IFT74: variants seen among roughly 807,000 people sequenced by gnomAD.
IFT74 encodes intraflagellar transport 74.
In IFT74, 92 loss-of-function variants were observed where a neutral mutation model predicts 96.7. The ratio of observed to expected loss-of-function variants is 0.95; its 90% CI spans 0.80 to 1.13. The LOEUF is 1.13. IFT74 is among the 50% of genes most tolerant of loss of function. The pLI is 0.00. For missense variants in IFT74, 811 were observed against 698.2 expected (o/e 1.16, Z -1.82); for synonymous variants, 223 against 213.2 (o/e 1.05, Z -0.40).
At chr9:27,034,342 T>G (rs1830257456) in intron 13 of IFT74, among the ~76,000 whole-genome samples, 1 of 152,206 alleles carries the variant, frequency 6.6e-6, no homozygotes, top group African/African-American at 2.4e-5. Context: ...ATTGTAACTT[T>G]CTGCATAATA....
intron 6 of IFT74, 104 bp downstream of exon 6, chr9:26,984,663 C>T: frequency 1.3e-6 from 1 of 791,352 alleles, no homozygotes; most frequent in Admixed American, 2.4e-5. Flanking sequence ...AGATACTTTT[C>T]AAAAGAAGAC....
chr9:26,971,741 A>C (rs1425098525), intron 2 of IFT74, among the ~76,000 whole-genome samples: 2 of 152,136 alleles, frequency 1.3e-5, no homozygotes. Context: ...TGTTTAAGAC[A>C]TGGACAATTA....
At chr9:27,031,359 C>G (rs1830113383) in intron 13 of IFT74, among the ~76,000 whole-genome samples, 1 of 151,794 alleles carries the variant, frequency 6.6e-6, no homozygotes, top group African/African-American at 2.4e-5. Context: ...CCCAGCTACT[C>G]AGGAGGCTGA....
chr9:27,011,082 GTC>G (rs1396109331), intron 9 of IFT74, among the ~76,000 whole-genome samples: 1 of 152,104 alleles, frequency 6.6e-6, no homozygotes, highest in Non-Finnish European at 1.5e-5. Flanking sequence ...GTGAAACCCT[GTC>G]TCTACTAAAA....
upstream of IFT74, among the ~76,000 whole-genome samples, chr9:26,955,386 T>C (rs892043907): frequency 2.0e-5 from 3 of 152,166 alleles, no homozygotes; most frequent in African/African-American, 7.2e-5. Context: ...TGCTTCTGGT[T>C]GTCATTCAAG....
intron 2 of IFT74, among the ~76,000 whole-genome samples, chr9:26,964,695 A>G (rs1826527941): frequency 6.6e-6 from 1 of 152,118 alleles, no homozygotes; most frequent in Non-Finnish European, 1.5e-5. Flanking sequence ...ATTTCATGAC[A>G]TTTCTTTTGA....
rs1820495458 is a variant in IFT74 at position 27,063,053 on chromosome 9, T to G, written c.*317T>G. ...CTATGGCAACAAATGAGATAAGCTTTTCTTGTATCAACTCTAGGACGGATG... is the reference window on the plus strand; with the variant it reads ...CTATGGCAACAAATGAGATAAGCTTGTCTTGTATCAACTCTAGGACGGATG... On this transcript the variant is annotated 3_prime_UTR_variant, in exon 20 of 20. Coordinates refer to ENST00000380062, the MANE Select transcript of IFT74 (RefSeq NM_025103.4). The G allele has an allele frequency of 4.3e-6, 1 of 234,148 alleles. No homozygotes were observed. Among genetic ancestry groups the G allele is most frequent in the Non-Finnish European group, 8.2e-6 (1 of 121,734 alleles). The allele number at this position is 234,148 out of a possible 1,614,324, so 14.5% of individuals were successfully genotyped here.
chr9:26,953,357 A>T (rs1269733051), upstream of IFT74, among the ~76,000 whole-genome samples: 1 of 152,084 alleles, frequency 6.6e-6, no homozygotes, highest in Non-Finnish European at 1.5e-5. Context: ...GTGTTGTTTG[A>T]TTTTTTTCCT....
intron 2 of IFT74, among the ~76,000 whole-genome samples, chr9:26,967,005 A>G (rs988266815): frequency 7.3e-5 from 11 of 150,628 alleles, no homozygotes; most frequent in Non-Finnish European, 1.5e-4. Context: ...TGGGTTCTCT[A>G]TTCTGTTTTT....
chr9:26,954,433 C>A (rs151150994), upstream of IFT74, among the ~76,000 whole-genome samples: 312 of 152,276 alleles, frequency 2.0e-3, 1 homozygote, highest in African/African-American at 7.3e-3. Flanking sequence ...TCTGGGGGAG[C>A]CCCAAACCAC....
chr9:27,026,095 C>CTTA (rs1829850479), intron 12 of IFT74, among the ~76,000 whole-genome samples: 1 of 152,124 alleles, frequency 6.6e-6, no homozygotes, highest in East Asian at 1.9e-4. Context: ...AAGTGACTCA[C>CTTA]CTAATGCATA....
chr9:27,030,241 A>C (rs1454386503), intron 13 of IFT74, among the ~76,000 whole-genome samples: 2 of 152,104 alleles, frequency 1.3e-5, no homozygotes, highest in African/African-American at 4.8e-5. Flanking sequence ...GCACATGTAC[A>C]TGTATTCTTG....
At chr9:27,033,112 T>C (rs538332003) in intron 13 of IFT74, among the ~76,000 whole-genome samples, 8 of 152,328 alleles carry the variant, frequency 5.3e-5, no homozygotes, top group African/African-American at 1.9e-4. Context: ...AAACATATTT[T>C]TAAATGGAGT....
rs561804132 is a variant in IFT74, at chr9:26,971,202, T to TG, written c.121-6920dup. ...ATCAATAAATACTTCAGGCAACCGA[T>TG]GGGGGGCATTTTAGTGTAGTTAATT... On this transcript the variant is annotated intron_variant, in intron 2 of 19. Coordinates refer to ENST00000380062, the MANE Select transcript of IFT74 (RefSeq NM_025103.4). 4.7e-4 allele frequency among the ~76,000 whole-genome samples: 71 copies of TG among 152,298 alleles called. No homozygotes were observed. In the South Asian group the frequency reaches 0.014, roughly 31 times the overall value.
At chr9:27,009,865 G>A (rs773885658) in intron 9 of IFT74, among the ~76,000 whole-genome samples, 4 of 151,668 alleles carry the variant, frequency 2.6e-5, no homozygotes, top group Admixed American at 6.6e-5. Flanking sequence ...ATATTTATGG[G>A]GTACATGTGA....
At chr9:27,004,551 T>C (rs972413349) in intron 8 of IFT74, among the ~76,000 whole-genome samples, 2 of 152,174 alleles carry the variant, frequency 1.3e-5, no homozygotes, top group African/African-American at 4.8e-5. Context: ...TTGGGTGTCT[T>C]TAAAAAAAGA....
intron 2 of IFT74, among the ~76,000 whole-genome samples, chr9:26,965,778 C>A (rs1826582411): frequency 6.6e-6 from 1 of 152,052 alleles, no homozygotes; most frequent in Non-Finnish European, 1.5e-5. Context: ...GCAACCCTCA[C>A]CTTCCTCCCA....
At chr9:27,010,363 A>G (rs1431800217) in intron 9 of IFT74, among the ~76,000 whole-genome samples, 1 of 151,270 alleles carries the variant, frequency 6.6e-6, no homozygotes, top group African/African-American at 2.4e-5. Flanking sequence ...AACTATAGCC[A>G]CCCTAGTGTT....
At position 27,060,961 on chromosome 9, in the gene IFT74, C is replaced by CAAA. The variant is rs752655360; in HGVS notation, c.1684+338_1684+340dup. 1.9e-3 allele frequency: 71 copies of CAAA among 38,328 alleles called. 2 individuals are homozygous for CAAA. Among genetic ancestry groups the CAAA allele is most frequent in the African/African-American group, 5.2e-3 (43 of 8,208 alleles). 2.4% of individuals were successfully genotyped at this position (38,328 alleles called of 1,614,324 possible). On this transcript the variant is annotated intron_variant, in intron 19 of 19. Transcript: ENST00000380062. ...TGGGCGACAGAGCAAGACTCCATCT[C>CAAA]AAAAAAAAAAAAAAAAAAAAAAAAA...
Sources: gnomAD v4.1 joint callset for allele counts (sites outside exome capture counted in the v4.1 genomes callset) on GRCh38, gnomAD v4.1.1 for gene constraint, MANE v1.5 for transcripts, NCBI Gene and HGNC (gene_info 2026-07-23, HGNC 2026-07-21) for gene names.